Variants in MLIP observed in about 807,000 individuals in gnomAD.
The protein encoded by MLIP is muscular LMNA interacting protein, also known as muscular LMNA-interacting protein.
In MLIP, 79 loss-of-function variants were observed where a neutral mutation model predicts 84.8. The ratio of observed to expected loss-of-function variants is 0.93; its 90% CI spans 0.78 to 1.12. The LOEUF is 1.12. MLIP is among the 50% of genes most tolerant of loss of function. MLIP has a pLI of 0.00. For missense variants in MLIP, 1,257 were observed against 1,160.6 expected (o/e 1.08, Z -1.21); for synonymous variants, 504 against 463.0 (o/e 1.09, Z -1.14).
chr6:54,110,724 A>G (rs1218983944), upstream of MLIP, among the ~76,000 whole-genome samples: 3 of 152,240 alleles, frequency 2.0e-5, no homozygotes, highest in Non-Finnish European at 4.4e-5. Context: ...ACAGATTTGG[A>G]GAAAAATCAA....
chr6:54,048,203 C>T (rs986741451), intron 1 of MLIP, among the ~76,000 whole-genome samples: 3 of 152,054 alleles, frequency 2.0e-5, no homozygotes, highest in Admixed American at 2.0e-4. Flanking sequence ...GAAATAAAAG[C>T]CATTTTTGCT....
chr6:54,078,678 T>A (rs1025064425), intron 1 of MLIP, among the ~76,000 whole-genome samples: 1 of 132,646 alleles, frequency 7.5e-6, no homozygotes, highest in Non-Finnish European at 1.5e-5. Flanking sequence ...AATAATTTTC[T>A]TTTTCTTTCT....
chr6:54,019,045 G>T, exon 1 of MLIP: 1 of 1,610,354 alleles, frequency 6.2e-7, no homozygotes, highest in South Asian at 1.1e-5. Flanking sequence ...CTTGAAAAGC[G>T]TGAAAAAAGA....
At chr6:54,095,839 G>A (rs111572024) in intron 1 of MLIP, among the ~76,000 whole-genome samples, 52 of 152,218 alleles carry the variant, frequency 3.4e-4, no homozygotes, top group African/African-American at 1.2e-3. Flanking sequence ...TTGCTTTCAT[G>A]GTCTCAAGAT....
intron 1 of MLIP, among the ~76,000 whole-genome samples, chr6:54,115,986 C>T (rs1043336878): frequency 6.6e-6 from 1 of 152,016 alleles, no homozygotes; most frequent in African/African-American, 2.4e-5. Flanking sequence ...CACTGAATTC[C>T]AGAAGGTATA....
intron 11 of MLIP, chr6:54,216,675 T>C: frequency 1.0e-6 from 1 of 984,418 alleles, no homozygotes; most frequent in Non-Finnish European, 1.2e-6. Flanking sequence ...CAAGTTCAAA[T>C]TTTCTTGGTT....
intron 1 of MLIP, among the ~76,000 whole-genome samples, chr6:54,034,094 A>C (rs1186457114): frequency 6.6e-6 from 1 of 152,212 alleles, no homozygotes; most frequent in Admixed American, 6.5e-5. Context: ...CAAAATTTTG[A>C]CTACTTTTTG....
intron 11 of MLIP, among the ~76,000 whole-genome samples, chr6:54,228,665 C>T (rs943535772): frequency 6.6e-6 from 1 of 152,224 alleles, no homozygotes; most frequent in African/African-American, 2.4e-5. Flanking sequence ...GCCAGATAAG[C>T]GCATTTGGTG....
intron 11 of MLIP, chr6:54,217,297 C>T: frequency 1.0e-6 from 1 of 985,368 alleles, no homozygotes; most frequent in Non-Finnish European, 1.2e-6. Flanking sequence ...GGAACAAAAG[C>T]ATTTCAGATG....
intron 1 of MLIP, among the ~76,000 whole-genome samples, chr6:54,100,100 CAAT>C (rs1169936993): frequency 6.6e-6 from 1 of 152,148 alleles, no homozygotes; most frequent in Non-Finnish European, 1.5e-5. Context: ...GCTGCTACAA[CAAT>C]AATAACTAAT....
At chr6:54,147,896 G>T (rs1254811267) in intron 4 of MLIP, among the ~76,000 whole-genome samples, 1 of 152,050 alleles carries the variant, frequency 6.6e-6, no homozygotes, top group Non-Finnish European at 1.5e-5. Context: ...AGAAAAGAAA[G>T]AAAACAGTGA....
At chr6:54,224,960 A>G (rs1433284626) in intron 11 of MLIP, among the ~76,000 whole-genome samples, 1 of 152,180 alleles carries the variant, frequency 6.6e-6, no homozygotes, top group African/African-American at 2.4e-5. Context: ...TATAGTGTAT[A>G]TATACCACAG....
Position 54,136,987 on chromosome 6 carries a change from A to G in MLIP, c.918A>G (p.Ser306=). The change falls in exon 4 of 14, where the codon TCA becomes TCG. Residue 306 remains serine, a synonymous_variant. Transcript: ENST00000502396. ...TLLFPHSTQL[S]GSNLPSSTAA... is the part of the protein sequence containing the mutation. ...TGTTTCCCCATTCCACTCAACTATCAGGTTCTAATTTACCCAGTTCAACTG... is the reference window on the plus strand; with the variant it reads ...TGTTTCCCCATTCCACTCAACTATCGGGTTCTAATTTACCCAGTTCAACTG... 6.5e-7 allele frequency: 1 copy of G among 1,536,026 alleles called. No individual in the cohort carries two copies. Among genetic ancestry groups the G allele is most frequent in the Non-Finnish European group, 8.7e-7 (1 of 1,146,848 alleles).
At chr6:54,223,255 A>T (rs1780339152) in intron 11 of MLIP, among the ~76,000 whole-genome samples, 1 of 151,486 alleles carries the variant, frequency 6.6e-6, no homozygotes, top group Non-Finnish European at 1.5e-5. Flanking sequence ...AATCCCACTT[A>T]TCTATTTTTG....
intron 12 of MLIP, among the ~76,000 whole-genome samples, chr6:54,252,121 T>A (rs12209858): frequency 5.1e-5 from 5 of 97,824 alleles, no homozygotes; most frequent in Non-Finnish European, 6.8e-5. Context: ...TATAACTATA[T>A]TATAACATAT....
intron 1 of MLIP, among the ~76,000 whole-genome samples, chr6:54,055,504 G>GA (rs1419553480): frequency 2.6e-5 from 4 of 151,952 alleles, no homozygotes; most frequent in Non-Finnish European, 5.9e-5. Context: ...TAATTATTCA[G>GA]AAAAAACTAC....
intron 1 of MLIP, among the ~76,000 whole-genome samples, chr6:54,084,417 G>A (rs767183364): frequency 6.6e-5 from 10 of 152,122 alleles, no homozygotes; most frequent in East Asian, 1.9e-4. Context: ...GGTACTGAAC[G>A]TTCCTGCAAC....
chr6:54,159,583 T>C (rs1186233868), intron 5 of MLIP, among the ~76,000 whole-genome samples: 2 of 152,114 alleles, frequency 1.3e-5, no homozygotes, highest in South Asian at 4.2e-4. Context: ...ACCTTACGGG[T>C]AGTCCCTTAT....
intron 1 of MLIP, among the ~76,000 whole-genome samples, chr6:54,087,230 A>G (rs1767555915): frequency 6.6e-6 from 1 of 152,190 alleles, no homozygotes; most frequent in African/African-American, 2.4e-5. Flanking sequence ...AACAACCTAT[A>G]GCTGTGCCTC....
Sources: gnomAD v4.1 joint callset for allele counts (sites outside exome capture counted in the v4.1 genomes callset) on GRCh38, gnomAD v4.1.1 for gene constraint, MANE v1.5 for transcripts, NCBI Gene and HGNC (gene_info 2026-07-23, HGNC 2026-07-21) for gene names.